The following TNNT1 variants were observed in gnomAD, a reference collection of about 807,000 sequenced individuals.
TNNT1 encodes the protein troponin T, slow skeletal muscle.
Under a neutral mutation model 50.6 loss-of-function variants are expected in TNNT1, and 53 were observed. That is an observed-to-expected ratio of 1.05 (90% CI 0.84 to 1.32). TNNT1 has a LOEUF of 1.32. Among genes scored for constraint, TNNT1 ranks in the 40% most tolerant of loss-of-function variants. The pLI is 0.00. For synonymous variants in TNNT1, 142 were observed against 138.0 expected (o/e 1.03, Z -0.20); for missense variants, 348 against 381.7 (o/e 0.91, Z 0.74).
intron 1 of TNNT1, 51 bp from the exon 2 acceptor site, chr19:55,147,219 C>A: frequency 6.4e-7 from 1 of 1,572,960 alleles, no homozygotes; most frequent in Non-Finnish European, 8.7e-7. Context: ...AAGGAGGGGG[C>A]GACCTAGACT....
At chr19:55,140,752 G>T in intron 9 of TNNT1, 131 bp downstream of exon 9, 1 of 580,088 alleles carries the variant, frequency 1.7e-6, no homozygotes, top group Non-Finnish European at 2.5e-6. Flanking sequence ...ACTCCAGCCT[G>T]GGCGACAGAG....
In TNNT1 at chr19:55,132,741, C is replaced by T. The variant is rs2085270472; in HGVS notation, c.*174G>A. 1 of 668,496 alleles carries T rather than the reference C, an allele frequency of 1.5e-6. No individual in the cohort carries two copies. Among genetic ancestry groups the T allele is most frequent in the Non-Finnish European group, 2.7e-6 (1 of 374,500 alleles). The allele number at this position is 668,496 out of a possible 1,614,324, so 41.4% of individuals were successfully genotyped here. On this transcript the variant is annotated 3_prime_UTR_variant, in exon 14 of 14. Transcript: ENST00000588981. Reference sequence around the variant, plus strand: ...TACTTTAATGATTATTGGTGACACTCTTTCAAGTAACTTGTTGGTAATAAG... The same window carrying T: ...TACTTTAATGATTATTGGTGACACTTTTTCAAGTAACTTGTTGGTAATAAG...
rs2147267088 is a variant in TNNT1 at position 55,146,444 on chromosome 19, C to T, written c.96G>A (p.Val32=). 1.5e-6 allele frequency: 2 copies of T among 1,361,954 alleles called. No individual in the cohort carries two copies. Among genetic ancestry groups the T allele is most frequent in the African/African-American group, 1.5e-5 (1 of 65,948 alleles). 84.4% of individuals were successfully genotyped at this position (1,361,954 alleles called of 1,614,324 possible). The change falls in exon 5 of 14, where the codon GTG becomes GTA. Residue 32 remains valine (V), a synonymous_variant. Coordinates refer to ENST00000588981, the MANE Select transcript of TNNT1 (RefSeq NM_003283.6). ...AGCAGCCGCGGTTACCTGGCTCTGC[C>T]ACCGGCTCCGGCTCTTCGGGGGCTG... ...EEEAPEEPEP[V]AEPEEERPKP... is the part of the protein sequence containing the mutation.
intron 5 of TNNT1, 74 bp from the exon 6 acceptor site, chr19:55,145,639 G>C: frequency 6.4e-7 from 1 of 1,561,542 alleles, no homozygotes; most frequent in Non-Finnish European, 8.8e-7. Context: ...GACACACCCT[G>C]GGGAGGGACC....
intron 9 of TNNT1, among the ~76,000 whole-genome samples, chr19:55,138,803 G>A (rs2085401493): frequency 6.6e-6 from 1 of 152,176 alleles, no homozygotes; most frequent in African/African-American, 2.4e-5. Context: ...ATAAGACCAG[G>A]GACTGGGGAG....
Position 55,146,437 on chromosome 19 carries a change from G to T in TNNT1, c.103C>A (p.Pro35Thr). The part of the protein sequence containing the change: ...APEEPEPVAE[P>T]EEERPKPSRP... The stretch of plus-strand genomic sequence containing the variant: ...GAAGCGAAGCAGCCGCGGTTACCTG[G>T]CTCTGCCACCGGCTCCGGCTCTTCG... The change falls in exon 5 of 14, where the codon CCA (proline) becomes ACA (threonine). Residue 35 changes from proline (P) to threonine (T), a missense_variant. Physicochemically the swap from Pro to Thr is conservative, Grantham distance 38. Transcript: ENST00000588981. The T allele has an allele frequency of 1.5e-6, 2 of 1,365,806 alleles. No homozygotes were observed. Among genetic ancestry groups the T allele is most frequent in the Non-Finnish European group, 9.5e-7 (1 of 1,050,716 alleles). The allele number at this position is 1,365,806 out of a possible 1,614,324, so 84.6% of individuals were successfully genotyped here. A position where few individuals can be genotyped will look rare whatever the true frequency, so the allele number is the denominator to read the frequency against.
chr19:55,135,025 T>C (rs1274683948), intron 11 of TNNT1, among the ~76,000 whole-genome samples: 1 of 152,064 alleles, frequency 6.6e-6, no homozygotes, highest in Non-Finnish European at 1.5e-5. Flanking sequence ...GTGGAAGAGA[T>C]GGCTGCTTGC....
At chr19:55,138,402 T>C (rs2085393430) in intron 9 of TNNT1, among the ~76,000 whole-genome samples, 1 of 151,940 alleles carries the variant, frequency 6.6e-6, no homozygotes, top group Non-Finnish European at 1.5e-5. Context: ...CTCAGCCTCC[T>C]GAGTAGCTGG....
intron 13 of TNNT1, 57 bp downstream of exon 13, chr19:55,133,830 C>T (rs971309124): frequency 1.2e-6 from 2 of 1,608,380 alleles, no homozygotes; most frequent in South Asian, 1.1e-5. Flanking sequence ...GGAAAGAGGC[C>T]TGAGAGTCAG....
intron 6 of TNNT1, among the ~76,000 whole-genome samples, chr19:55,143,111 G>A (rs2085488780): frequency 6.6e-6 from 1 of 151,472 alleles, no homozygotes; most frequent in Non-Finnish European, 1.5e-5. Flanking sequence ...AGAGATTGCA[G>A]TGAGCCGAGA....
intron 1 of TNNT1, among the ~76,000 whole-genome samples, chr19:55,147,683 C>CTGAGGGGGGAGGGGCTGGAGGAG: frequency 1.1e-5 from 1 of 90,480 alleles, no homozygotes; most frequent in African/African-American, 4.7e-5. Context: ...GGGCTGGGGT[C>CTGAGGGGGGAGGGGCTGGAGGAG]TGGACTCCTG....
intron 9 of TNNT1, 58 bp from the exon 10 acceptor site, chr19:55,138,132 C>G (rs1254323242): frequency 6.2e-7 from 1 of 1,612,744 alleles, no homozygotes; most frequent in Non-Finnish European, 8.5e-7. Flanking sequence ...GGGAGGAGGG[C>G]CCTGGGATGT....
At chr19:55,139,463 C>T (rs527357215) in intron 9 of TNNT1, among the ~76,000 whole-genome samples, 2 of 152,274 alleles carry the variant, frequency 1.3e-5, no homozygotes, top group African/African-American at 4.8e-5. Context: ...GGGGAGAATT[C>T]ATTCCCTTCC....
intron 1 of TNNT1, chr19:55,148,188 T>G (rs2085616068): frequency 6.6e-6 from 1 of 152,022 alleles, no homozygotes. Context: ...TGGGGGGATG[T>G]CATAGATGGT....
At chr19:55,146,250 G>A (rs1400376399) in intron 5 of TNNT1, among the ~76,000 whole-genome samples, 184 bp downstream of exon 5, 1 of 151,982 alleles carries the variant, frequency 6.6e-6, no homozygotes, top group Non-Finnish European at 1.5e-5. Context: ...GCCACTGCGG[G>A]GCCATTTCCC....
intron 7 of TNNT1, 78 bp from the exon 8 acceptor site, chr19:55,141,380 T>A (rs908104947): frequency 9.4e-7 from 1 of 1,068,108 alleles, no homozygotes; most frequent in African/African-American, 1.6e-5. Context: ...CCATGCAGGA[T>A]GGTGAACTGA....
intron 11 of TNNT1, among the ~76,000 whole-genome samples, chr19:55,134,713 A>AGG (rs1568835017): frequency 4.6e-5 from 1 of 21,744 alleles, no homozygotes; most frequent in African/African-American, 1.9e-4. Flanking sequence ...GGGAGAGGAG[A>AGG]AGAGGGGAGG....
intron 6 of TNNT1, among the ~76,000 whole-genome samples, chr19:55,143,070 G>A (rs1462516204): frequency 6.6e-6 from 1 of 151,798 alleles, no homozygotes; most frequent in East Asian, 2.0e-4. Context: ...TCAGGAGGCT[G>A]AGGCAGGAGA....
intron 1 of TNNT1, among the ~76,000 whole-genome samples, chr19:55,147,797 G>C (rs2085607090): frequency 6.7e-6 from 1 of 148,166 alleles, no homozygotes; most frequent in Non-Finnish European, 1.5e-5. Flanking sequence ...TGGGGGCCTG[G>C]CCTCCTGGGT....
Sources: allele counts gnomAD v4.1 joint callset (sites outside exome capture counted in the v4.1 genomes callset), GRCh38; gene constraint gnomAD v4.1.1; transcripts MANE v1.5; gene names NCBI Gene and HGNC (gene_info 2026-07-23, HGNC 2026-07-21).